Variants in SHB observed in about 807,000 individuals in gnomAD.
SHB encodes SH2 domain-containing adapter protein B.
In SHB, 20 loss-of-function variants were observed where a neutral mutation model predicts 52.3. That is an observed-to-expected ratio of 0.38 (90% CI 0.27 to 0.56). SHB has a LOEUF of 0.56. Among genes scored for constraint, SHB ranks in the 20% least tolerant of loss-of-function variants. SHB has a pLI of 0.71. For synonymous variants in SHB, 397 were observed against 316.5 expected, an observed-to-expected ratio of 1.25 and a Z score of -2.70; for missense variants, 825 against 723.3, an observed-to-expected ratio of 1.14 and a Z score of -1.61.
chr9:38,051,848 C>G (rs1177104395), intron 1 of SHB, among the ~76,000 whole-genome samples: 1 of 152,188 alleles, frequency 6.6e-6, no homozygotes, highest in Admixed American at 6.5e-5. Context: ...TCAAGGGGCT[C>G]TTTGACTGAG....
chr9:38,019,804 C>A (rs1320464), intron 1 of SHB, among the ~76,000 whole-genome samples: 43,959 of 152,034 alleles, frequency 0.29, 6,539 homozygotes, highest in Middle Eastern at 0.41. Flanking sequence ...CATGAGAAAC[C>A]ACCCGAAACT....
In SHB at chr9:38,067,921, C is replaced by A; in HGVS notation, c.717+8G>T. On this transcript the variant is annotated splice_region_variant and intron_variant, in intron 1 of 5. Coordinates refer to ENST00000377707, the MANE Select transcript of SHB (RefSeq NM_003028.3). ...GGAACCTCGGGAAGAGGCCAAGGGG[C>A]ACCTTACCTTGTCCTTCTTGCCGGC... is the stretch of plus-strand genomic sequence containing the variant. 1 of 1,503,218 alleles carries A rather than the reference C, an allele frequency of 6.7e-7. No individual in the cohort carries two copies. The highest frequency in any genetic ancestry group is 8.8e-7 in the Non-Finnish European group (1 of 1,137,078). The allele number at this position is 1,503,218 out of a possible 1,614,324, so 93.1% of individuals were successfully genotyped here.
At chr9:37,940,213 G>A (rs1321389679) in intron 5 of SHB, among the ~76,000 whole-genome samples, 1 of 152,216 alleles carries the variant, frequency 6.6e-6, no homozygotes, top group African/African-American at 2.4e-5. Flanking sequence ...GTCCAGAAGA[G>A]GTGCCAGTCT....
At chr9:38,049,171 C>T (rs1052698593) in intron 1 of SHB, among the ~76,000 whole-genome samples, 2 of 152,230 alleles carry the variant, frequency 1.3e-5, no homozygotes, top group Non-Finnish European at 2.9e-5. Flanking sequence ...CAGATGCATG[C>T]CACCACACTT....
At chr9:38,013,520 C>T (rs1255853002) in intron 2 of SHB, among the ~76,000 whole-genome samples, 1 of 152,228 alleles carries the variant, frequency 6.6e-6, no homozygotes, top group Non-Finnish European at 1.5e-5. Context: ...AGGAGGACTG[C>T]TTGAGCCTGG....
At chr9:37,965,974 C>A (rs1242908456) in intron 3 of SHB, among the ~76,000 whole-genome samples, 1 of 152,140 alleles carries the variant, frequency 6.6e-6, no homozygotes, top group Admixed American at 6.5e-5. Context: ...TGTTAGGGGC[C>A]TCCAGGATTC....
intron 1 of SHB, among the ~76,000 whole-genome samples, chr9:38,056,709 C>G (rs1418367097): frequency 6.6e-6 from 1 of 152,190 alleles, no homozygotes; most frequent in African/African-American, 2.4e-5. Flanking sequence ...TTCATTGTAA[C>G]CAACAACAAT....
At chr9:37,977,874 C>T (rs751362359) in intron 2 of SHB, among the ~76,000 whole-genome samples, 2 of 152,326 alleles carry the variant, frequency 1.3e-5, no homozygotes, top group African/African-American at 2.4e-5. Context: ...CTCCCATGTA[C>T]ACAGTTGATG....
chr9:37,921,664 G>A (rs577950628), intron 5 of SHB, among the ~76,000 whole-genome samples: 8 of 152,332 alleles, frequency 5.3e-5, no homozygotes, highest in Admixed American at 2.6e-4. Context: ...CTGCTCCTCA[G>A]TGAAGGGTCA....
At chr9:37,932,813 C>T (rs775746743) in intron 5 of SHB, among the ~76,000 whole-genome samples, 31 of 152,142 alleles carry the variant, frequency 2.0e-4, no homozygotes, top group Admixed American at 6.5e-5. Context: ...TGAGGTCTCA[C>T]GACGTTGCCC....
Position 38,051,400 on chromosome 9 carries a change from G to A in SHB, c.717+16529C>T, listed in dbSNP as rs1017446534. 2.1e-5 allele frequency among the ~76,000 whole-genome samples: 3 copies of A among 145,410 alleles called. 1 individual carries two copies. Among genetic ancestry groups the A allele is most frequent in the South Asian group, 4.3e-4 (2 of 4,626 alleles). On this transcript the variant is annotated intron_variant, in intron 1 of 5. Transcript: ENST00000377707. Reference sequence around the variant, plus strand: ...AGAGGTTGCAGTGAGCCAAGATCGCGACACTGCACTCCAACCTGGTGACAG... The same window carrying A: ...AGAGGTTGCAGTGAGCCAAGATCGCAACACTGCACTCCAACCTGGTGACAG...
chr9:37,996,867 G>A (rs1237412286), intron 2 of SHB, among the ~76,000 whole-genome samples: 1 of 152,234 alleles, frequency 6.6e-6, no homozygotes, highest in African/African-American at 2.4e-5. Flanking sequence ...GCCAGTGCTG[G>A]CTCTAACTGC....
At chr9:37,998,458 G>C (rs1169658028) in intron 2 of SHB, among the ~76,000 whole-genome samples, 8 of 152,150 alleles carry the variant, frequency 5.3e-5, no homozygotes, top group Non-Finnish European at 1.0e-4. Context: ...ATCCTATTTT[G>C]TTTATTTATT....
intron 3 of SHB, among the ~76,000 whole-genome samples, 181 bp from the exon 4 acceptor site, chr9:37,956,235 G>A (rs1184614862): frequency 6.6e-6 from 1 of 152,180 alleles, no homozygotes; most frequent in Non-Finnish European, 1.5e-5. Flanking sequence ...GGACACCCAC[G>A]TGATCACAGC....
At chr9:37,947,140 C>T (rs1832501875) in intron 5 of SHB, among the ~76,000 whole-genome samples, 1 of 152,192 alleles carries the variant, frequency 6.6e-6, no homozygotes, top group Admixed American at 6.5e-5. Context: ...ATTCTTTCAG[C>T]CATCAGGTCT....
At chr9:37,922,741 C>T (rs1401569101) in intron 5 of SHB, among the ~76,000 whole-genome samples, 2 of 152,178 alleles carry the variant, frequency 1.3e-5, no homozygotes, top group African/African-American at 4.8e-5. Context: ...TGCTGACCCT[C>T]CTGGGCTCAA....
At chr9:38,005,898 C>T (rs1249095101) in intron 2 of SHB, among the ~76,000 whole-genome samples, 3 of 152,172 alleles carry the variant, frequency 2.0e-5, no homozygotes, top group Admixed American at 6.5e-5. Flanking sequence ...TCATGGTGGC[C>T]CCCAGGTCCC....
intron 5 of SHB, among the ~76,000 whole-genome samples, chr9:37,941,309 A>G (rs1180269681): frequency 6.6e-6 from 1 of 152,242 alleles, no homozygotes; most frequent in Non-Finnish European, 1.5e-5. Context: ...ATGCTGGAGC[A>G]TATGCTAAGC....
intron 2 of SHB, among the ~76,000 whole-genome samples, chr9:38,012,363 CCT>C (rs894521319): frequency 6.6e-6 from 1 of 152,164 alleles, no homozygotes; most frequent in Non-Finnish European, 1.5e-5. Context: ...AGTTTTTTAA[CCT>C]CTCTGTGCCT....
Sources: allele counts gnomAD v4.1 joint callset (sites outside exome capture counted in the v4.1 genomes callset), GRCh38; gene constraint gnomAD v4.1.1; transcripts MANE v1.5; gene names NCBI Gene and HGNC (gene_info 2026-07-23, HGNC 2026-07-21).